CFAP47: variants seen among roughly 807,000 people sequenced by gnomAD.
CFAP47 encodes cilia and flagella associated protein 47.
CFAP47 carries 29 observed loss-of-function variants against 148.1 expected under a neutral mutation model. The observed-to-expected ratio is 0.20, with a 90% CI of 0.15 to 0.27. The LOEUF is 0.27. CFAP47 is among the 10% of genes least tolerant of loss of function. The pLI is 1.00. For synonymous variants in CFAP47, 664 were observed against 577.3 expected (o/e 1.15, Z -2.15); for missense variants, 1,872 against 1,697.5 (o/e 1.10, Z -1.81).
At chrX:35,960,755 G>C (rs751656014) in intron 8 of CFAP47, among the ~76,000 whole-genome samples, 1 of 110,739 alleles carries the variant, frequency 9.0e-6, no homozygotes, top group Admixed American at 9.6e-5. Flanking sequence ...TATTAGTTCT[G>C]GTAGTTTTTT....
At chrX:35,964,320 AGTTAGCT>A (rs1199446728) in intron 8 of CFAP47, among the ~76,000 whole-genome samples, 1 of 111,355 alleles carries the variant, frequency 9.0e-6, no homozygotes. Context: ...TCCAATGAGA[AGTTAGCT>A]GTTCATTTCT....
chrX:35,954,079 T>A (rs922189029), intron 7 of CFAP47, among the ~76,000 whole-genome samples: 2 of 111,479 alleles, frequency 1.8e-5, no homozygotes, highest in African/African-American at 6.5e-5. Flanking sequence ...CCATCTCTAC[T>A]AATCCTTCAG....
At chrX:36,226,068 AT>A (rs1449999252) in intron 45 of CFAP47, among the ~76,000 whole-genome samples, 1 of 111,735 alleles carries the variant, frequency 8.9e-6, no homozygotes, top group Non-Finnish European at 1.9e-5. Context: ...AAGAAAACAG[AT>A]TTTTTTGTTC....
At chrX:36,146,376 T>A (rs1266332619) in intron 36 of CFAP47, among the ~76,000 whole-genome samples, 1 of 112,114 alleles carries the variant, frequency 8.9e-6, no homozygotes, top group Non-Finnish European at 1.9e-5. Context: ...TAAATTATGA[T>A]GTTAAAAACC....
chrX:35,954,121 A>C (rs1299167927), intron 7 of CFAP47, among the ~76,000 whole-genome samples: 1 of 111,574 alleles, frequency 9.0e-6, no homozygotes, highest in Non-Finnish European at 1.9e-5. Flanking sequence ...GGAACAGTAA[A>C]AAACAAGATC....
intron 33 of CFAP47, among the ~76,000 whole-genome samples, chrX:36,121,753 T>C (rs1434913440): frequency 9.0e-6 from 1 of 111,724 alleles, no homozygotes; most frequent in East Asian, 2.8e-4. Flanking sequence ...GTAATGTTTT[T>C]GTAGTTATTA....
At chrX:36,328,767 G>A (rs1193981233) in intron 57 of CFAP47, among the ~76,000 whole-genome samples, 5 of 97,588 alleles carry the variant, frequency 5.1e-5, no homozygotes, top group Non-Finnish European at 1.0e-4. Context: ...CAGAGATTGC[G>A]CCACTGCAGT....
intron 15 of CFAP47, among the ~76,000 whole-genome samples, chrX:35,977,669 G>A (rs141856260): frequency 0.038 from 4,279 of 111,240 alleles, 183 homozygotes; most frequent in African/African-American, 0.12. Flanking sequence ...TATTTCAGAC[G>A]AGTCCTGGTT....
intron 36 of CFAP47, among the ~76,000 whole-genome samples, chrX:36,147,795 A>T (rs1426560624): frequency 8.9e-6 from 1 of 112,302 alleles, no homozygotes; most frequent in African/African-American, 3.2e-5. Context: ...ATTCCTTATG[A>T]CTCACTATAA....
chrX:36,242,934 G>A (rs1430793792), intron 48 of CFAP47, among the ~76,000 whole-genome samples: 1 of 111,405 alleles, frequency 9.0e-6, no homozygotes, highest in Non-Finnish European at 1.9e-5. Flanking sequence ...TAAAGTGAAA[G>A]GTTAGGGCAC....
At chrX:36,286,196 G>C (rs1429237759) in intron 51 of CFAP47, among the ~76,000 whole-genome samples, 1 of 111,116 alleles carries the variant, frequency 9.0e-6, no homozygotes, top group Non-Finnish European at 1.9e-5. Flanking sequence ...TACTAAATTT[G>C]TGTCAAAAAT....
Position 36,138,433 on chromosome X carries a change from T to C in CFAP47, c.5504T>C (p.Leu1835Pro). The C allele has an allele frequency of 8.6e-7, 1 of 1,159,363 alleles. No individual in the cohort carries two copies. The highest frequency in any genetic ancestry group is 1.1e-6 in the Non-Finnish European group (1 of 874,735). Residue 1835 changes from leucine (L) to proline (P), a missense_variant, in exon 35 of 64, where the codon CTT becomes CCT. Physicochemically the swap from Leu to Pro is moderately conservative, Grantham distance 98. Coordinates refer to ENST00000378653, the MANE Select transcript of CFAP47 (RefSeq NM_001304548.2). ...LHNCLIIVNTLYEIDFDVEIQ... is the reference protein window; with the variant it reads ...LHNCLIIVNTPYEIDFDVEIQ... ...AATTGCCTGATTATTGTAAATACTC[T>C]TTATGAAATTGACTTTGACGTGGAA...
At chrX:36,153,002 G>A (rs9943003) in intron 37 of CFAP47, among the ~76,000 whole-genome samples, 11,639 of 110,470 alleles carry the variant, frequency 0.11, 1,217 homozygotes, top group African/African-American at 0.32. Flanking sequence ...TCACTTCAAC[G>A]TCAACTCAAA....
In CFAP47 at chrX:36,353,685, A is replaced by G. The variant is rs1400735294; in HGVS notation, c.8851+4A>G. 8.8e-7 allele frequency: 1 copy of G among 1,135,143 alleles called. No homozygotes were observed. Among genetic ancestry groups the G allele is most frequent in the Non-Finnish European group, 1.2e-6 (1 of 850,072 alleles). 93.5% of individuals were successfully genotyped at this position (1,135,143 alleles called of 1,213,427 possible). On this transcript the variant is annotated splice_donor_region_variant and intron_variant, in intron 60 of 63. Transcript: ENST00000378653. ...AATTTTTGTGAGGATCCCAATGGTAAGAGAACTACGGTTATAGAAAAAATA... is the reference window on the plus strand; with the variant it reads ...AATTTTTGTGAGGATCCCAATGGTAGGAGAACTACGGTTATAGAAAAAATA...
intron 2 of CFAP47, among the ~76,000 whole-genome samples, chrX:35,931,763 C>T (rs574805417): frequency 1.7e-3 from 194 of 111,567 alleles, no homozygotes; most frequent in African/African-American, 6.2e-3. Flanking sequence ...GTGGCATAAA[C>T]ATTTTGTCAC....
intron 26 of CFAP47, among the ~76,000 whole-genome samples, chrX:36,049,141 G>A (rs768051884): frequency 1.5e-4 from 17 of 110,743 alleles, no homozygotes; most frequent in South Asian, 1.2e-3. Flanking sequence ...CATGGAATCC[G>A]CACAATAGTC....
intron 7 of CFAP47, among the ~76,000 whole-genome samples, chrX:35,954,284 G>A (rs1196780194): frequency 9.0e-6 from 1 of 110,778 alleles, no homozygotes; most frequent in African/African-American, 3.3e-5. Flanking sequence ...ATGGGACTTG[G>A]AGTTCAGCTT....
At chrX:35,969,616 C>G (rs942427538) in intron 10 of CFAP47, among the ~76,000 whole-genome samples, 2 of 111,750 alleles carry the variant, frequency 1.8e-5, no homozygotes, top group African/African-American at 6.5e-5. Flanking sequence ...ATTTACACCA[C>G]TACTTCTTTC....
chrX:36,145,461 T>C, intron 36 of CFAP47, 108 bp downstream of exon 36: 1 of 285,826 alleles, frequency 3.5e-6, no homozygotes, highest in Non-Finnish European at 6.1e-6. Flanking sequence ...GTAGGAATAA[T>C]TTTATTAAAA....
Sources: allele counts gnomAD v4.1 joint callset (sites outside exome capture counted in the v4.1 genomes callset), GRCh38; gene constraint gnomAD v4.1.1; transcripts MANE v1.5; gene names NCBI Gene and HGNC (gene_info 2026-07-23, HGNC 2026-07-21).